UPB1: variants seen among roughly 807,000 people sequenced by gnomAD.
The protein encoded by UPB1 is beta-ureidopropionase.
A neutral mutation model predicts 49.1 loss-of-function variants in UPB1; 40 were observed. That is an observed-to-expected ratio of 0.81 (90% CI 0.63 to 1.06). The LOEUF is 1.06. Among genes scored for constraint, UPB1 ranks in the 50% least tolerant of loss-of-function variants. UPB1 has a pLI of 0.00. For missense variants in UPB1, 499 were observed against 505.9 expected, an observed-to-expected ratio of 0.99 and a Z score of 0.13; for synonymous variants, 207 against 198.2, an observed-to-expected ratio of 1.04 and a Z score of -0.38.
chr22:24,507,712 A>G (rs1364850498), intron 3 of UPB1, among the ~76,000 whole-genome samples: 1 of 152,158 alleles, frequency 6.6e-6, no homozygotes, highest in East Asian at 1.9e-4. Flanking sequence ...AATGTCGGCA[A>G]TTAGAAACTA....
At position 24,495,362 on chromosome 22, in the gene UPB1, A is replaced by G. The variant is rs752529103; in HGVS notation, c.-42A>G. ...CCTCCTCCCACTGCGGGCAAAGGGC[A>G]GGCAGTTCGTGCGCGGACACAAGCA... On this transcript the variant is annotated 5_prime_UTR_variant, in exon 1 of 10. Transcript: ENST00000326010. The G allele has an allele frequency of 6.2e-7, 1 of 1,602,822 alleles. No homozygotes were observed. Among genetic ancestry groups the G allele is most frequent in the East Asian group, 2.2e-5 (1 of 44,836 alleles).
At chr22:24,510,163 G>T (rs1377676853) in intron 3 of UPB1, among the ~76,000 whole-genome samples, 1 of 151,896 alleles carries the variant, frequency 6.6e-6, no homozygotes, top group Non-Finnish European at 1.5e-5. Context: ...AACCTGGGAG[G>T]GGGAGGTTGA....
At chr22:24,495,862 C>T (rs2043862497) in intron 1 of UPB1, among the ~76,000 whole-genome samples, 1 of 152,180 alleles carries the variant, frequency 6.6e-6, no homozygotes, top group Admixed American at 6.5e-5. Flanking sequence ...ACCAGAGCAC[C>T]CAGCAGGTGT....
At chr22:24,506,021 A>ATTTT (rs71189255) in intron 3 of UPB1, among the ~76,000 whole-genome samples, 4 of 85,630 alleles carry the variant, frequency 4.7e-5, no homozygotes, top group African/African-American at 1.9e-4. Context: ...CCCTAACTGC[A>ATTTT]TTTTTTTTTT....
In UPB1 at chr22:24,527,891, C is replaced by T. The variant is rs143835986; in HGVS notation, c.*2097C>T. 503 of 152,004 alleles carry T rather than the reference C, an allele frequency of 3.3e-3. 7 individuals are homozygous for T. The highest frequency in any genetic ancestry group is 4.7e-3 in the African/African-American group (193 of 41,438). 9.4% of individuals were successfully genotyped at this position (152,004 alleles called of 1,614,324 possible). ...TTTCAAAATTTAGTGTCAGCCAAGGCGGGCAGATCACAAGGTCAAGAGATG... is the reference window on the plus strand; with the variant it reads ...TTTCAAAATTTAGTGTCAGCCAAGGTGGGCAGATCACAAGGTCAAGAGATG... On this transcript the variant is annotated 3_prime_UTR_variant, in exon 10 of 10. Coordinates refer to ENST00000326010, the MANE Select transcript of UPB1 (RefSeq NM_016327.3).
In UPB1 at chr22:24,509,375, A is replaced by G. The variant is rs2044152387; in HGVS notation, c.365-1374A>G. On this transcript the variant is annotated intron_variant, in intron 3 of 9. Transcript: ENST00000326010. ...ACCTACTGTTTGAAAAAAAAAAAAAAAAAAAAAAAAAAAAAAAAAAAGCAA... is the reference window on the plus strand; with the variant it reads ...ACCTACTGTTTGAAAAAAAAAAAAAGAAAAAAAAAAAAAAAAAAAAAGCAA... Among the ~76,000 whole-genome samples, 2 of 47,738 alleles carry G rather than the reference A, an allele frequency of 4.2e-5. 1 individual carries two copies. The highest frequency in any genetic ancestry group is 1.1e-4 in the African/African-American group (2 of 17,840). The allele number at this position is 47,738 out of a possible 152,430, so 31.3% of individuals were successfully genotyped here.
In UPB1 at chr22:24,526,784, A is replaced by G. The variant is rs1052441170; in HGVS notation, c.*990A>G. On this transcript the variant is annotated 3_prime_UTR_variant, in exon 10 of 10. Transcript: ENST00000326010. Reference sequence around the variant, plus strand: ...GGGTAAAGAGGGTAGTTGGTAGTCCATGGCATGGTGCAGCAATAGTTATTT... The same window carrying G: ...GGGTAAAGAGGGTAGTTGGTAGTCCGTGGCATGGTGCAGCAATAGTTATTT... 5 of 152,172 alleles carry G rather than the reference A, an allele frequency of 3.3e-5. No individual in the cohort carries two copies. The highest frequency in any genetic ancestry group is 1.2e-4 in the African/African-American group (5 of 41,434). 9.4% of individuals were successfully genotyped at this position (152,172 alleles called of 1,614,324 possible).
intron 6 of UPB1, among the ~76,000 whole-genome samples, chr22:24,519,486 GGTCTCTGGTTGGGGCCGT>G (rs2044350911): frequency 6.6e-6 from 1 of 152,194 alleles, no homozygotes; most frequent in East Asian, 1.9e-4. Flanking sequence ...AGAAGGACAG[GGTCTCTGGTTGGGGCCGT>G]GTCTCCCATC....
chr22:24,503,230 TCAAA>T (rs1330886145), intron 3 of UPB1: 1 of 152,264 alleles, frequency 6.6e-6, no homozygotes, highest in East Asian at 1.9e-4. Flanking sequence ...TTTAGACGCA[TCAAA>T]CAGTCTATCA....
At chr22:24,511,614 A>ATTTTTTTTTTTT (rs202129656) in intron 4 of UPB1, among the ~76,000 whole-genome samples, 3 of 121,188 alleles carry the variant, frequency 2.5e-5, no homozygotes, top group Non-Finnish European at 5.1e-5. Flanking sequence ...ATATATATAT[A>ATTTTTTTTTTTT]TATATTTTTT....
At chr22:24,511,614 A>ATTTTTTTTT (rs202129656) in intron 4 of UPB1, among the ~76,000 whole-genome samples, 2 of 121,178 alleles carry the variant, frequency 1.7e-5, no homozygotes, top group Non-Finnish European at 3.4e-5. Context: ...ATATATATAT[A>ATTTTTTTTT]TATATTTTTT....
chr22:24,521,030 A>C (rs1003694888), intron 7 of UPB1, among the ~76,000 whole-genome samples: 1 of 152,032 alleles, frequency 6.6e-6, no homozygotes, highest in African/African-American at 2.4e-5. Context: ...TAAAAATATA[A>C]AAATTAGCAG....
chr22:24,515,063 A>G lies in UPB1; in HGVS notation c.622-138A>G, dbSNP rs1220076363. 1.5e-5 allele frequency: 17 copies of G among 1,142,168 alleles called. No homozygotes were observed. In the Admixed American group the frequency reaches 3.1e-4, roughly 21 times the overall value. 70.8% of individuals were successfully genotyped at this position (1,142,168 alleles called of 1,614,324 possible). A position where few individuals can be genotyped will look rare whatever the true frequency, so the allele number is the denominator to read the frequency against. ...TTTTTGTGTGTGTTTTGTTTTTATC[A>G]TATTGAAATTCTGGAACTTAGAGTC... On this transcript the variant is annotated intron_variant, in intron 5 of 9. Coordinates refer to ENST00000326010, the MANE Select transcript of UPB1 (RefSeq NM_016327.3).
chr22:24,512,001 A>G (rs2044214883), intron 4 of UPB1, among the ~76,000 whole-genome samples: 1 of 151,018 alleles, frequency 6.6e-6, no homozygotes, highest in African/African-American at 2.4e-5. Context: ...TAACACAATA[A>G]CTCTTTTCAT....
chr22:24,515,009 CG>C (rs1568990946), intron 5 of UPB1, among the ~76,000 whole-genome samples, 191 bp from the exon 6 acceptor site: 2 of 152,048 alleles, frequency 1.3e-5, no homozygotes, highest in African/African-American at 4.8e-5. Context: ...TGATTTCCCC[CG>C]GGGGCTGGCT....
intron 2 of UPB1, among the ~76,000 whole-genome samples, chr22:24,501,873 T>G (rs2043999220): frequency 6.6e-6 from 1 of 152,044 alleles, no homozygotes; most frequent in African/African-American, 2.4e-5. Flanking sequence ...ACCCCACAGG[T>G]CAGGTGGCAG....
intron 4 of UPB1, among the ~76,000 whole-genome samples, chr22:24,512,506 A>G (rs747788888): frequency 1.3e-5 from 2 of 152,220 alleles, no homozygotes; most frequent in Non-Finnish European, 2.9e-5. Context: ...TGGCATAGAT[A>G]AGTCGTTTGA....
In UPB1 at chr22:24,507,292, C is replaced by T. The variant is rs116174041; in HGVS notation, c.365-3457C>T. ...ATAATTCATCTCTCTTCACAGAAGG[C>T]GAGCCTGGGGAGCCTTGAGCCTGCT... On this transcript the variant is annotated intron_variant, in intron 3 of 9. Coordinates refer to ENST00000326010, the MANE Select transcript of UPB1 (RefSeq NM_016327.3). 5.4e-3 allele frequency among the ~76,000 whole-genome samples: 818 copies of T among 152,288 alleles called. 8 individuals carry two copies. The highest frequency in any genetic ancestry group is 0.018 in the African/African-American group (737 of 41,552).
At chr22:24,519,520 C>T (rs1460655315) in intron 6 of UPB1, among the ~76,000 whole-genome samples, 1 of 152,138 alleles carries the variant, frequency 6.6e-6, no homozygotes, top group Admixed American at 6.6e-5. Context: ...CCATCGCATT[C>T]TCCCTTTGCA....
Sources: allele counts gnomAD v4.1 joint callset (sites outside exome capture counted in the v4.1 genomes callset), GRCh38; gene constraint gnomAD v4.1.1; transcripts MANE v1.5; gene names NCBI Gene and HGNC (gene_info 2026-07-23, HGNC 2026-07-21).